The following RBFOX1 variants were observed in gnomAD, a reference collection of about 807,000 sequenced individuals.
RBFOX1 encodes RNA binding fox-1 homolog 1, also known as RNA binding protein fox-1 homolog 1.
In RBFOX1, 8 loss-of-function variants were observed where a neutral mutation model predicts 57.7. The observed-to-expected ratio is 0.14, with a 90% CI of 0.08 to 0.25. RBFOX1 has a LOEUF of 0.25. Among genes scored for constraint, RBFOX1 ranks in the 10% least tolerant of loss-of-function variants. The pLI is 1.00. For synonymous variants in RBFOX1, 326 were observed against 222.4 expected (o/e 1.47, Z -4.15); for missense variants, 611 against 548.5 (o/e 1.11, Z -1.14).
At chr16:7,050,551 C>T (rs912833324) in intron 3 of RBFOX1, among the ~76,000 whole-genome samples, 8 of 152,270 alleles carry the variant, frequency 5.3e-5, no homozygotes, top group African/African-American at 1.7e-4. Flanking sequence ...CAGGCATGAG[C>T]AACCGTGCCT....
rs917948410 is a variant in RBFOX1 at position 6,571,615 on chromosome 16, C to G, written c.-63-82988C>G. On this transcript the variant is annotated intron_variant, in intron 2 of 15. Transcript: ENST00000550418. ...TTGCCTGTTTTCTAGGAATCCTTACCTGTAATCAGCTCATTACAGAGAATC... is the reference window on the plus strand; with the variant it reads ...TTGCCTGTTTTCTAGGAATCCTTACGTGTAATCAGCTCATTACAGAGAATC... Among the ~76,000 whole-genome samples the G allele has an allele frequency of 2.0e-5, 3 of 152,084 alleles. No individual in the cohort carries two copies. In the East Asian group the frequency reaches 5.8e-4, roughly 29 times the overall value.
chr16:6,588,559 G>A (rs569629252), intron 2 of RBFOX1, among the ~76,000 whole-genome samples: 1 of 152,194 alleles, frequency 6.6e-6, no homozygotes, highest in Admixed American at 6.5e-5. Flanking sequence ...GGCTGAGGCT[G>A]GAGAATCGCT....
intron 1 of RBFOX1, among the ~76,000 whole-genome samples, chr16:6,199,802 CTTG>C (rs1167741403): frequency 2.6e-5 from 4 of 152,142 alleles, no homozygotes; most frequent in Non-Finnish European, 5.9e-5. Context: ...GTATGGGATG[CTTG>C]TTAGCACAAC....
At chr16:5,425,157 G>A (rs2067518500) in intron 1 of RBFOX1, among the ~76,000 whole-genome samples, 2 of 144,710 alleles carry the variant, frequency 1.4e-5, no homozygotes, top group South Asian at 4.4e-4. Flanking sequence ...CCAGGCTGGA[G>A]TGCAGTGGTG....
chr16:7,688,031 A>AAAT, intron 14 of RBFOX1, among the ~76,000 whole-genome samples: 2 of 152,086 alleles, frequency 1.3e-5, no homozygotes, highest in Non-Finnish European at 2.9e-5. Context: ...TTTATTAAAA[A>AAAT]ACAAAGTATT....
intron 4 of RBFOX1, among the ~76,000 whole-genome samples, chr16:7,368,053 G>A (rs548005783): frequency 6.6e-6 from 1 of 152,144 alleles, no homozygotes; most frequent in East Asian, 1.9e-4. Flanking sequence ...AATCAGCTGA[G>A]GTCAGGGGTT....
At chr16:7,688,221 A>ATGTGTGTG (rs3029191) in intron 14 of RBFOX1, among the ~76,000 whole-genome samples, 2,743 of 120,860 alleles carry the variant, frequency 0.023, 19 homozygotes, top group Non-Finnish European at 0.032. Flanking sequence ...GCAGGTTTAA[A>ATGTGTGTG]TGTGTGTGTG....
chr16:6,679,878 G>GGTTTTTTTTTTT (rs1487919870), intron 3 of RBFOX1, among the ~76,000 whole-genome samples: 1 of 114,304 alleles, frequency 8.7e-6, no homozygotes, highest in Non-Finnish European at 1.7e-5. Flanking sequence ...GTTTCTACTT[G>GGTTTTTTTTTTT]TTTTTTTTTT....
In RBFOX1 at chr16:5,828,230, A is replaced by G. The variant is rs115868562; in HGVS notation, c.319-39073A>G. Among the ~76,000 whole-genome samples, 146 of 152,084 alleles carry G rather than the reference A, an allele frequency of 9.6e-4. 1 individual carries two copies. The highest frequency in any genetic ancestry group is 3.4e-3 in the African/African-American group (139 of 41,456). ...ATCCACCCATTCATCTGTCCATTCAACCACCCACAAATCTACCCATCCATG... is the reference window on the plus strand; with the variant it reads ...ATCCACCCATTCATCTGTCCATTCAGCCACCCACAAATCTACCCATCCATG... On this transcript the variant is annotated intron_variant, in intron 3 of 19. Transcript: ENST00000641259.
intron 2 of RBFOX1, among the ~76,000 whole-genome samples, chr16:6,499,674 T>TTCAGTGACCCC (rs1441606719): frequency 6.6e-6 from 1 of 152,104 alleles, no homozygotes; most frequent in Non-Finnish European, 1.5e-5. Flanking sequence ...TCAACATCAC[T>TTCAGTGACCCC]TCAGTGACCC....
chr16:7,469,404 T>C (rs2061145994), intron 4 of RBFOX1, among the ~76,000 whole-genome samples: 1 of 152,132 alleles, frequency 6.6e-6, no homozygotes, highest in Non-Finnish European at 1.5e-5. Context: ...TGAGGCTATG[T>C]TTGTCTCATC....
At chr16:6,212,961 C>A (rs374928288) in intron 1 of RBFOX1, among the ~76,000 whole-genome samples, 1 of 152,120 alleles carries the variant, frequency 6.6e-6, no homozygotes, top group Non-Finnish European at 1.5e-5. Flanking sequence ...ACCTGAACGG[C>A]CTTTTCCCTT....
intron 4 of RBFOX1, among the ~76,000 whole-genome samples, chr16:7,319,775 T>C (rs1006595345): frequency 6.6e-6 from 1 of 152,070 alleles, no homozygotes; most frequent in Non-Finnish European, 1.5e-5. Flanking sequence ...ATCGGGCAGG[T>C]GTGGCTTTGA....
intron 4 of RBFOX1, among the ~76,000 whole-genome samples, chr16:5,921,525 G>C (rs17138941): frequency 0.24 from 35,782 of 152,092 alleles, 5,109 homozygotes; most frequent in Middle Eastern, 0.44. Flanking sequence ...GATTTTGAAT[G>C]GAGCCAGTCA....
chr16:7,362,130 GTGTGTGTTAGTGTA>G (rs1420671672), intron 4 of RBFOX1, among the ~76,000 whole-genome samples: 1 of 151,542 alleles, frequency 6.6e-6, no homozygotes, highest in South Asian at 2.1e-4. Flanking sequence ...GATGTTTTGT[GTGTGTGTTAGTGTA>G]TGTGTGTTAG....
intron 4 of RBFOX1, among the ~76,000 whole-genome samples, chr16:7,366,618 C>G (rs951901163): frequency 6.6e-6 from 1 of 151,730 alleles, no homozygotes; most frequent in Non-Finnish European, 1.5e-5. Context: ...AAACTCTGGT[C>G]AGTTTCTCTG....
At position 5,414,446 on chromosome 16, in the gene RBFOX1, A is replaced by G. The variant is rs149835813; in HGVS notation, c.220-52770A>G. ...ACTTTATGAGAGATTTATTCCCTCT[A>G]ATCAACAGAATGGAGGGTGACAGTT... On this transcript the variant is annotated intron_variant, in intron 1 of 2. Transcript: ENST00000585867. Among the ~76,000 whole-genome samples the G allele has an allele frequency of 1.9e-3, 285 of 152,272 alleles. 6 individuals carry two copies. Among genetic ancestry groups the G allele is most frequent in the Non-Finnish European group, 4.9e-4 (33 of 68,028 alleles).
intron 2 of RBFOX1, among the ~76,000 whole-genome samples, chr16:6,370,600 G>T (rs940045152): frequency 6.6e-6 from 1 of 152,088 alleles, no homozygotes; most frequent in African/African-American, 2.4e-5. Flanking sequence ...GACAAATATT[G>T]TATGATTCTA....
At chr16:7,659,580 T>G (rs1039523023) in intron 12 of RBFOX1, among the ~76,000 whole-genome samples, 2 of 151,976 alleles carry the variant, frequency 1.3e-5, no homozygotes, top group African/African-American at 4.8e-5. Flanking sequence ...CTACAGCTGA[T>G]GAGCAAAAAA....
Sources: allele counts gnomAD v4.1 joint callset (sites outside exome capture counted in the v4.1 genomes callset), GRCh38; gene constraint gnomAD v4.1.1; transcripts MANE v1.5; gene names NCBI Gene and HGNC (gene_info 2026-07-23, HGNC 2026-07-21).